CDH13: variants seen among roughly 807,000 people sequenced by gnomAD.
The protein encoded by CDH13 is cadherin 13, also known as cadherin-13.
A neutral mutation model predicts 63.8 loss-of-function variants in CDH13; 24 were observed. That is an observed-to-expected ratio of 0.38 (90% CI 0.27 to 0.53). The LOEUF is 0.53. Ranked by LOEUF, CDH13 falls within the 20% of genes least tolerant of loss-of-function variation. The pLI is 0.85. For synonymous variants in CDH13, 503 were observed against 355.3 expected, an observed-to-expected ratio of 1.42 and a Z score of -4.67; for missense variants, 1,049 against 903.1, an observed-to-expected ratio of 1.16 and a Z score of -2.07.
intron 1 of CDH13, among the ~76,000 whole-genome samples, chr16:82,779,462 G>T (rs1221701438): frequency 6.6e-6 from 1 of 152,174 alleles, no homozygotes; most frequent in Non-Finnish European, 1.5e-5. Context: ...AAACATTCTT[G>T]TTCCCTTGGG....
At chr16:82,794,226 G>A (rs1302397240) in intron 1 of CDH13, among the ~76,000 whole-genome samples, 1 of 144,492 alleles carries the variant, frequency 6.9e-6, no homozygotes, top group Non-Finnish European at 1.5e-5. Flanking sequence ...GTTATTTTAT[G>A]TGTTGCCAAA....
intron 1 of CDH13, among the ~76,000 whole-genome samples, chr16:82,765,984 C>G (rs1222399578): frequency 2.6e-5 from 4 of 152,138 alleles, no homozygotes; most frequent in African/African-American, 9.7e-5. Context: ...CTATGCTACC[C>G]CAAAGTCCAA....
At chr16:83,349,849 C>T (rs1210179804) in intron 6 of CDH13, among the ~76,000 whole-genome samples, 1 of 152,070 alleles carries the variant, frequency 6.6e-6, no homozygotes, top group Non-Finnish European at 1.5e-5. Context: ...TATCCGCCCA[C>T]CTTGGCCTCC....
intron 7 of CDH13, among the ~76,000 whole-genome samples, chr16:83,509,291 T>A (rs1458485971): frequency 6.6e-6 from 1 of 152,184 alleles, no homozygotes; most frequent in Non-Finnish European, 1.5e-5. Context: ...AGTAACTTTG[T>A]CTCAAGGGGA....
Position 83,670,920 on chromosome 16 carries a change from T to G in CDH13, c.1232T>G (p.Phe411Cys). Residue 411 changes from phenylalanine (F) to cysteine (C), a missense_variant, in exon 9 of 14, where the codon TTT (phenylalanine) becomes TGT (cysteine). Coordinates refer to ENST00000567109, the MANE Select transcript of CDH13 (RefSeq NM_001257.5). ...ATCAACGGAAACCCCGGGCAGAGCT[T>G]TGAAATCCACACCAACCCTCAAACC... ...TIINGNPGQS[F>C]EIHTNPQTNE... 3 of 1,611,978 alleles carry G rather than the reference T, an allele frequency of 1.9e-6. No homozygotes were observed. Among genetic ancestry groups the G allele is most frequent in the Non-Finnish European group, 2.5e-6 (3 of 1,178,508 alleles).
chr16:83,650,925 A>G (rs1912314799), intron 8 of CDH13, among the ~76,000 whole-genome samples: 1 of 150,912 alleles, frequency 6.6e-6, no homozygotes, highest in African/African-American at 2.4e-5. Flanking sequence ...TTTTAAATAT[A>G]TAAAATATAT....
chr16:83,174,191 G>C (rs2038031506), intron 4 of CDH13, among the ~76,000 whole-genome samples: 1 of 152,074 alleles, frequency 6.6e-6, no homozygotes, highest in East Asian at 1.9e-4. Context: ...TGAAAAGGAT[G>C]AGGTCAGTTC....
intron 1 of CDH13, 84 bp downstream of exon 1, chr16:82,627,221 CGGG>C: frequency 8.6e-7 from 1 of 1,156,656 alleles, no homozygotes; most frequent in Non-Finnish European, 1.3e-6. Flanking sequence ...AGGGGGCTTT[CGGG>C]GGGTCGGGGC....
intron 10 of CDH13, among the ~76,000 whole-genome samples, chr16:83,744,636 C>A (rs754394761): frequency 6.6e-6 from 1 of 152,168 alleles, no homozygotes; most frequent in Non-Finnish European, 1.5e-5. Context: ...AGGGAGGACA[C>A]ACAGGGCCAT....
chr16:82,919,649 A>G (rs2042095505), intron 2 of CDH13, among the ~76,000 whole-genome samples: 2 of 152,216 alleles, frequency 1.3e-5, no homozygotes, highest in Admixed American at 1.3e-4. Flanking sequence ...TATTGTGAAT[A>G]GTGCTATAGT....
intron 7 of CDH13, among the ~76,000 whole-genome samples, chr16:83,574,045 G>A (rs749725581): frequency 6.6e-6 from 1 of 152,098 alleles, no homozygotes; most frequent in Non-Finnish European, 1.5e-5. Flanking sequence ...TCCCGAGACA[G>A]TCCTTAAGCG....
At chr16:83,769,923 A>G (rs909401025) in intron 11 of CDH13, among the ~76,000 whole-genome samples, 2 of 152,200 alleles carry the variant, frequency 1.3e-5, no homozygotes, top group Non-Finnish European at 2.9e-5. Context: ...AAACCACCTC[A>G]GAAAAATCAG....
chr16:82,716,354 A>G lies in CDH13; in HGVS notation c.45+89217A>G, dbSNP rs116335505. Among the ~76,000 whole-genome samples the G allele has an allele frequency of 9.6e-3, 1,464 of 152,086 alleles. 33 individuals carry two copies. The highest frequency in any genetic ancestry group is 0.034 in the African/African-American group (1,406 of 41,446). ...CTCCATGTCACCTTTGCAGAGAGAG[A>G]GAGACAAACATGGATCCAAATTAGA... On this transcript the variant is annotated intron_variant, in intron 1 of 13. Transcript: ENST00000567109.
chr16:83,646,015 G>A (rs1248846013), intron 8 of CDH13, among the ~76,000 whole-genome samples: 2 of 152,168 alleles, frequency 1.3e-5, no homozygotes, highest in African/African-American at 4.8e-5. Flanking sequence ...TCCACATCCA[G>A]CCTCGCCCCG....
intron 1 of CDH13, among the ~76,000 whole-genome samples, chr16:82,703,106 T>A (rs1400734687): frequency 6.6e-6 from 1 of 152,098 alleles, no homozygotes; most frequent in East Asian, 1.9e-4. Context: ...TTTGTTTTGT[T>A]CCACTTATAT....
At chr16:82,702,908 C>A (rs894679810) in intron 1 of CDH13, among the ~76,000 whole-genome samples, 4 of 152,040 alleles carry the variant, frequency 2.6e-5, no homozygotes, top group Non-Finnish European at 4.4e-5. Flanking sequence ...TCTGGTGTAT[C>A]CCCTCATTGG....
At chr16:83,531,337 A>C (rs2075077950) in intron 7 of CDH13, among the ~76,000 whole-genome samples, 1 of 152,170 alleles carries the variant, frequency 6.6e-6, no homozygotes, top group Non-Finnish European at 1.5e-5. Flanking sequence ...TAGAAATAGG[A>C]AGGTGTGTGT....
At chr16:83,021,033 G>A (rs1915299933) in intron 2 of CDH13, among the ~76,000 whole-genome samples, 1 of 152,156 alleles carries the variant, frequency 6.6e-6, no homozygotes, top group Non-Finnish European at 1.5e-5. Flanking sequence ...AAAACTAAGG[G>A]CCTTGTCAGA....
At chr16:83,085,461 A>G (rs1014950086) in intron 3 of CDH13, among the ~76,000 whole-genome samples, 2 of 152,182 alleles carry the variant, frequency 1.3e-5, no homozygotes, top group African/African-American at 4.8e-5. Context: ...TCTAGCTATC[A>G]TGTCAGCAAG....
Sources: gnomAD v4.1 joint callset for allele counts (sites outside exome capture counted in the v4.1 genomes callset) on GRCh38, gnomAD v4.1.1 for gene constraint, MANE v1.5 for transcripts, NCBI Gene and HGNC (gene_info 2026-07-23, HGNC 2026-07-21) for gene names.